The following MARCHF1 variants were observed in gnomAD, a reference collection of about 807,000 sequenced individuals.
The protein encoded by MARCHF1 is membrane associated ring-CH-type finger 1.
MARCHF1 carries 40 observed loss-of-function variants against 54.2 expected under a neutral mutation model. The observed-to-expected ratio is 0.74, with a 90% CI of 0.57 to 0.96. The LOEUF (loss-of-function observed/expected upper bound fraction) is 0.96, where lower values mean the gene tolerates loss of function less well. Ranked by LOEUF, MARCHF1 falls within the 40% of genes least tolerant of loss-of-function variation. The pLI is 0.00. For synonymous variants in MARCHF1, 236 were observed against 236.3 expected (o/e 1.00, Z 0.01); for missense variants, 586 against 656.5 (o/e 0.89, Z 1.17).
chr4:163,544,947 G>A (rs1738847275), intron 9 of MARCHF1, among the ~76,000 whole-genome samples: 1 of 152,094 alleles, frequency 6.6e-6, no homozygotes, highest in Admixed American at 6.6e-5. Flanking sequence ...ACAGAACTGG[G>A]TCCTTTCACA....
intron 2 of MARCHF1, among the ~76,000 whole-genome samples, chr4:164,101,100 T>A (rs144829304): frequency 0.045 from 6,925 of 152,294 alleles, 214 homozygotes; most frequent in Middle Eastern, 0.14. Context: ...CGCACCTGGC[T>A]CGGAGGGTCC....
At chr4:163,924,098 T>C (rs1751489068) in intron 3 of MARCHF1, among the ~76,000 whole-genome samples, 1 of 152,036 alleles carries the variant, frequency 6.6e-6, no homozygotes, top group African/African-American at 2.4e-5. Flanking sequence ...GCTTGATGCA[T>C]GGAGTGTAGA....
chr4:164,075,666 C>G (rs78562686), intron 2 of MARCHF1, among the ~76,000 whole-genome samples: 2,077 of 152,316 alleles, frequency 0.014, 31 homozygotes, highest in African/African-American at 0.044. Flanking sequence ...ATAGTTGAAA[C>G]TGTGATGTTA....
intron 5 of MARCHF1, among the ~76,000 whole-genome samples, chr4:163,700,528 A>AGAAGGAAGGAAG (rs57173687): frequency 0.012 from 1,334 of 114,530 alleles, 19 homozygotes; most frequent in Middle Eastern, 0.026. Context: ...AAAGAAAGAA[A>AGAAGGAAGGAAG]GAAGGAAGGA....
At chr4:163,998,029 A>C (rs1753113248) in intron 2 of MARCHF1, among the ~76,000 whole-genome samples, 1 of 145,134 alleles carries the variant, frequency 6.9e-6, no homozygotes, top group Admixed American at 7.1e-5. Context: ...AGGTACTAAA[A>C]ATTGTTTTAT....
intron 1 of MARCHF1, among the ~76,000 whole-genome samples, chr4:164,267,789 A>C (rs1407948512): frequency 6.6e-6 from 1 of 152,184 alleles, no homozygotes; most frequent in Non-Finnish European, 1.5e-5. Flanking sequence ...ATAAACCTGC[A>C]AAGAGAGCCA....
intron 4 of MARCHF1, among the ~76,000 whole-genome samples, chr4:163,758,499 T>A (rs1433657769): frequency 6.6e-6 from 1 of 152,152 alleles, no homozygotes; most frequent in Non-Finnish European, 1.5e-5. Flanking sequence ...TCAAAAAAAA[T>A]TCCTCATTTC....
Position 163,733,203 on chromosome 4 carries a change from A to G in MARCHF1, c.112-32340T>C, listed in dbSNP as rs1185725904. ...TATATATATATATATATATATATAT[A>G]TATATATATATATATATACACGTGT... is the stretch of plus-strand genomic sequence containing the variant. On this transcript the variant is annotated intron_variant, in intron 4 of 9. Coordinates refer to ENST00000514618, the MANE Select transcript of MARCHF1 (RefSeq NM_001394959.1). Among the ~76,000 whole-genome samples, 4 of 37,874 alleles carry G rather than the reference A, an allele frequency of 1.1e-4. 1 individual carries two copies. Among genetic ancestry groups the G allele is most frequent in the African/African-American group, 2.1e-4 (3 of 14,156 alleles). The allele number at this position is 37,874 out of a possible 152,430, so 24.8% of individuals were successfully genotyped here.
chr4:164,320,521 G>A lies in MARCHF1; in HGVS notation c.-323+63349C>T, dbSNP rs575767720. ...CTCCACACACAAGCTGAGAGACACA[G>A]CAAGAAAACACATGCTTCCTCTCTA... On this transcript the variant is annotated intron_variant, in intron 1 of 9. Coordinates refer to ENST00000514618, the MANE Select transcript of MARCHF1 (RefSeq NM_001394959.1). 1.2e-4 allele frequency among the ~76,000 whole-genome samples: 19 copies of A among 152,262 alleles called. No individual in the cohort carries two copies. In the South Asian group the frequency reaches 3.1e-3, roughly 25 times the overall value.
At chr4:163,842,493 AT>A (rs1749368614) in intron 4 of MARCHF1, among the ~76,000 whole-genome samples, 1 of 151,980 alleles carries the variant, frequency 6.6e-6, no homozygotes, top group Non-Finnish European at 1.5e-5. Flanking sequence ...ACCTGAGCAT[AT>A]TTTTTTGCAG....
At position 164,110,123 on chromosome 4, in the gene MARCHF1, T is replaced by TACACACACACAC. The variant is rs70948699; in HGVS notation, c.-248+1453_-248+1464dup. Among the ~76,000 whole-genome samples the TACACACACACAC allele has an allele frequency of 5.1e-3, 742 of 146,016 alleles. 7 individuals carry two copies. Among genetic ancestry groups the TACACACACACAC allele is most frequent in the African/African-American group, 0.016 (638 of 39,850 alleles). ...TTAAAAAACCCATTGGAATTGGAGA[T>TACACACACACAC]ACACACACACACACACACACACACA... On this transcript the variant is annotated intron_variant, in intron 2 of 9. Coordinates refer to ENST00000514618, the MANE Select transcript of MARCHF1 (RefSeq NM_001394959.1).
At chr4:164,048,132 T>C (rs1230651086) in intron 2 of MARCHF1, among the ~76,000 whole-genome samples, 2 of 152,178 alleles carry the variant, frequency 1.3e-5, no homozygotes, top group African/African-American at 4.8e-5. Context: ...TAATTTTCTA[T>C]TGGATATGAT....
intron 5 of MARCHF1, among the ~76,000 whole-genome samples, chr4:163,664,455 T>C (rs1195825007): frequency 6.6e-6 from 1 of 152,078 alleles, no homozygotes; most frequent in Non-Finnish European, 1.5e-5. Context: ...ATAAAAGAGA[T>C]GAAACTTAAA....
In MARCHF1 at chr4:164,254,163, G is replaced by A. The variant is rs925615715; in HGVS notation, c.-323+129707C>T. On this transcript the variant is annotated intron_variant, in intron 1 of 9. Coordinates refer to ENST00000514618, the MANE Select transcript of MARCHF1 (RefSeq NM_001394959.1). ...GTTGCCCAGGCTAGAGTGCAGTGGC[G>A]TGATCTCGGCTCTGAGTAGCTGGGG... 8.6e-5 allele frequency among the ~76,000 whole-genome samples: 13 copies of A among 151,970 alleles called. No homozygotes were observed. In the East Asian group the frequency reaches 1.4e-3, roughly 16 times the overall value.
intron 4 of MARCHF1, among the ~76,000 whole-genome samples, chr4:163,843,777 G>A (rs1429012695): frequency 6.6e-6 from 1 of 151,612 alleles, no homozygotes; most frequent in African/African-American, 2.4e-5. Context: ...ACTTATAAGT[G>A]AGAATATCTA....
At chr4:163,713,401 G>T (rs1477583495) in intron 4 of MARCHF1, among the ~76,000 whole-genome samples, 1 of 152,108 alleles carries the variant, frequency 6.6e-6, no homozygotes, top group East Asian at 1.9e-4. Context: ...GCAATCCTAG[G>T]CAAGTTACTT....
chr4:163,544,607 A>C (rs1325216410), intron 9 of MARCHF1, among the ~76,000 whole-genome samples: 1 of 152,112 alleles, frequency 6.6e-6, no homozygotes, highest in Non-Finnish European at 1.5e-5. Flanking sequence ...GTGAGAATGG[A>C]GCCTCCCCTT....
chr4:163,861,594 A>G (rs777289306), intron 3 of MARCHF1, among the ~76,000 whole-genome samples: 6 of 152,252 alleles, frequency 3.9e-5, no homozygotes, highest in Middle Eastern at 3.4e-3. Context: ...AAATAATAGC[A>G]GAGACATTCT....
chr4:163,737,649 C>CA (rs1443059070), intron 4 of MARCHF1, among the ~76,000 whole-genome samples: 1 of 126,570 alleles, frequency 7.9e-6, no homozygotes, highest in East Asian at 1.9e-4. Context: ...CCAAAAAACA[C>CA]ATGAAGAAAT....
Sources: gnomAD v4.1 joint callset for allele counts (sites outside exome capture counted in the v4.1 genomes callset) on GRCh38, gnomAD v4.1.1 for gene constraint, MANE v1.5 for transcripts, NCBI Gene and HGNC (gene_info 2026-07-23, HGNC 2026-07-21) for gene names.